ZC3H7B: variants seen among roughly 807,000 people sequenced by gnomAD.
The protein encoded by ZC3H7B is zinc finger CCCH-type containing 7B, also known as zinc finger CCCH domain-containing protein 7B.
In ZC3H7B, 35 loss-of-function variants were observed where a neutral mutation model predicts 116.0. That is an observed-to-expected ratio of 0.30 (90% CI 0.23 to 0.40). ZC3H7B has a LOEUF of 0.40. Among genes scored for constraint, ZC3H7B ranks in the 10% least tolerant of loss-of-function variants. The pLI is 1.00. For missense variants in ZC3H7B, 1,011 were observed against 1,321.5 expected (o/e 0.77, Z 3.64); for synonymous variants, 502 against 545.6 (o/e 0.92, Z 1.11).
At position 41,357,575 on chromosome 22, in the gene ZC3H7B, C is replaced by A; in HGVS notation, c.*146C>A. 1 of 1,097,986 alleles carries A rather than the reference C, an allele frequency of 9.1e-7. No homozygotes were observed. 68.0% of individuals were successfully genotyped at this position (1,097,986 alleles called of 1,614,324 possible). On this transcript the variant is annotated 3_prime_UTR_variant, in exon 23 of 23. Coordinates refer to ENST00000352645, the MANE Select transcript of ZC3H7B (RefSeq NM_017590.6). The surrounding 1 kb of genome is among the most constrained non-coding windows in gnomAD (Gnocchi z 5.4). ...AGCCCCCTGAGGCCCTGTCCATCTT[C>A]TCCCCACCACCGCCCCGGTGTGCGT...
rs1393529438 is a variant in ZC3H7B at position 41,348,162 on chromosome 22, C to T, written c.1761C>T (p.Asn587=). Residue 587 remains asparagine (N), a synonymous_variant, in exon 15 of 23, where the codon AAC becomes AAT. Coordinates refer to ENST00000352645, the MANE Select transcript of ZC3H7B (RefSeq NM_017590.6). ...TGGCTGCCAAGCACAGCTTCTACAA[C>T]AACAAGTGAGTGGGACCCTCAGCCC... is the stretch of plus-strand genomic sequence containing the variant. The part of the protein sequence containing the change: ...SNLAAKHSFY[N]NKCLVHIVRS... 1 of 1,613,634 alleles carries T rather than the reference C, an allele frequency of 6.2e-7. No homozygotes were observed. The highest frequency in any genetic ancestry group is 8.5e-7 in the Non-Finnish European group (1 of 1,179,850).
chr22:41,330,189 G>A, intron 6 of ZC3H7B, 86 bp downstream of exon 6: 1 of 1,453,544 alleles, frequency 6.9e-7, no homozygotes, highest in Non-Finnish European at 9.5e-7. Flanking sequence ...GAAGGTGGGT[G>A]AGGGTGGCCA....
At position 41,338,976 on chromosome 22, in the gene ZC3H7B, C is replaced by T. The variant is rs766022427; in HGVS notation, c.626-25C>T. 7.2e-6 allele frequency: 11 copies of T among 1,519,864 alleles called. No homozygotes were observed. The highest frequency in any genetic ancestry group is 5.5e-5 in the African/African-American group (4 of 72,300). The allele number at this position is 1,519,864 out of a possible 1,614,324, so 94.1% of individuals were successfully genotyped here. A position where few individuals can be genotyped will look rare whatever the true frequency, so the allele number is the denominator to read the frequency against. On this transcript the variant is annotated intron_variant, in intron 8 of 22. Transcript: ENST00000352645. This position sits in a 1 kb window ranked among gnomAD's most constrained non-coding sequence, Gnocchi z 4.5. ...ACCCTCACCAAGCAGTGCTCCCCTT[C>T]GGCTCTTGCCCACCCCATCCGCAGA...
At chr22:41,321,498 A>G (rs1401200791) in intron 2 of ZC3H7B, among the ~76,000 whole-genome samples, 1 of 151,964 alleles carries the variant, frequency 6.6e-6, no homozygotes, top group East Asian at 1.9e-4. Flanking sequence ...TACAGGCGTG[A>G]GCCACCGCAC....
rs369203524 is a variant in ZC3H7B at position 41,346,765 on chromosome 22, G to A, written c.1665+557G>A. 5.1e-4 allele frequency among the ~76,000 whole-genome samples: 78 copies of A among 152,130 alleles called. No homozygotes were observed. The highest frequency in any genetic ancestry group is 4.4e-3 in the East Asian group (23 of 5,178). ...GGGGAGGCAAAGGTTGCAGTGAGCC[G>A]AGATCGCGCAACTGCACTAGAGACT... On this transcript the variant is annotated intron_variant, in intron 14 of 22. Transcript: ENST00000352645. This position sits in a 1 kb window ranked among gnomAD's most constrained non-coding sequence, Gnocchi z 5.3.
Position 41,349,312 on chromosome 22 carries a change from G to A in ZC3H7B, c.1948+11G>A, listed in dbSNP as rs180684191. ...TGCAGCAGTACTCAGGTGAGGGGCAGGCGGTGCAGGTGGAGGGCAGGTGAC... is the reference window on the plus strand; with the variant it reads ...TGCAGCAGTACTCAGGTGAGGGGCAAGCGGTGCAGGTGGAGGGCAGGTGAC... On this transcript the variant is annotated intron_variant, in intron 16 of 22. Transcript: ENST00000352645. The surrounding 1 kb of genome is among the most constrained non-coding windows in gnomAD (Gnocchi z 4.9). The A allele has an allele frequency of 1.9e-6, 3 of 1,612,516 alleles. No homozygotes were observed. The East Asian group carries it at 6.7e-5, about 36-fold the overall frequency.
At chr22:41,348,231 C>A in intron 15 of ZC3H7B, 64 bp downstream of exon 15, 1 of 1,438,658 alleles carries the variant, frequency 7.0e-7, no homozygotes, top group Non-Finnish European at 9.8e-7. Flanking sequence ...TCAGGCAGCT[C>A]AGATGGCTGA....
intron 2 of ZC3H7B, among the ~76,000 whole-genome samples, chr22:41,320,966 C>T (rs949047773): frequency 2.0e-5 from 3 of 152,288 alleles, no homozygotes; most frequent in African/African-American, 7.2e-5. Context: ...TGCCCTCACC[C>T]TTCACATTTG....
At chr22:41,343,857 G>A (rs1012979861) in intron 13 of ZC3H7B, among the ~76,000 whole-genome samples, 1 of 152,208 alleles carries the variant, frequency 6.6e-6, no homozygotes, top group African/African-American at 2.4e-5. Flanking sequence ...GGAGTGTCAG[G>A]AGCCTACATG....
intron 2 of ZC3H7B, among the ~76,000 whole-genome samples, chr22:41,322,176 C>A (rs1219783838): frequency 6.6e-6 from 1 of 150,482 alleles, no homozygotes; most frequent in Admixed American, 6.7e-5. Context: ...CTCTGAGCAC[C>A]CACATGCCAC....
intron 11 of ZC3H7B, 113 bp downstream of exon 11, chr22:41,341,259 G>A: frequency 7.7e-7 from 1 of 1,294,046 alleles, no homozygotes; most frequent in Non-Finnish European, 1.1e-6. Context: ...CCCCACGGCG[G>A]GGCACTCCCA....
At chr22:41,313,220 G>T (rs1352601625) in intron 1 of ZC3H7B, among the ~76,000 whole-genome samples, 1 of 151,836 alleles carries the variant, frequency 6.6e-6, no homozygotes, top group African/African-American at 2.4e-5. Flanking sequence ...CCGGGTTCAA[G>T]CAATTCTCCT....
At chr22:41,317,113 C>T (rs969276777) in intron 1 of ZC3H7B, among the ~76,000 whole-genome samples, 1 of 152,142 alleles carries the variant, frequency 6.6e-6, no homozygotes, top group Non-Finnish European at 1.5e-5. Context: ...GCTGGGATTA[C>T]AGGCGTGAGC....
intron 1 of ZC3H7B, among the ~76,000 whole-genome samples, chr22:41,311,335 C>G (rs193098578): frequency 6.6e-6 from 1 of 152,016 alleles, no homozygotes; most frequent in Non-Finnish European, 1.5e-5. Context: ...CAGGATGATG[C>G]TCAGAGCTAT....
chr22:41,317,222 C>G (rs1420620336), intron 1 of ZC3H7B, among the ~76,000 whole-genome samples: 2 of 152,088 alleles, frequency 1.3e-5, no homozygotes, highest in Non-Finnish European at 2.9e-5. Flanking sequence ...TCAGGTGATC[C>G]ACCCACCTCG....
At chr22:41,353,088 A>C (rs2145942435) in intron 17 of ZC3H7B, among the ~76,000 whole-genome samples, 1 of 152,148 alleles carries the variant, frequency 6.6e-6, no homozygotes, top group East Asian at 1.9e-4. Context: ...TCAAAAAAAA[A>C]AAAGAAGAAA....
In ZC3H7B at chr22:41,339,803, C is replaced by T; in HGVS notation, c.817-13C>T. On this transcript the variant is annotated splice_polypyrimidine_tract_variant and intron_variant, in intron 9 of 22. Transcript: ENST00000352645. Reference sequence around the variant, plus strand: ...GTTTTCCTCTGACCCCTCCCTCTGTCCCTGCCTCATAGTCTCTGGTCCAGG... The same window carrying T: ...GTTTTCCTCTGACCCCTCCCTCTGTTCCTGCCTCATAGTCTCTGGTCCAGG... 2 of 1,577,668 alleles carry T rather than the reference C, an allele frequency of 1.3e-6. No homozygotes were observed. Among genetic ancestry groups the T allele is most frequent in the Non-Finnish European group, 1.7e-6 (2 of 1,158,150 alleles).
At chr22:41,322,348 T>C (rs1254517090) in intron 2 of ZC3H7B, among the ~76,000 whole-genome samples, 1 of 149,716 alleles carries the variant, frequency 6.7e-6, no homozygotes, top group Non-Finnish European at 1.5e-5. Context: ...CCACCACACC[T>C]AGCTAATTTT....
At position 41,356,443 on chromosome 22, in the gene ZC3H7B, G is replaced by C; in HGVS notation, c.2484G>C (p.Gln828His). 1.2e-6 allele frequency: 2 copies of C among 1,614,146 alleles called. No homozygotes were observed. The highest frequency in any genetic ancestry group is 1.7e-6 in the Non-Finnish European group (2 of 1,180,036). The part of the protein sequence containing the change: ...TPISSREGEK[Q>H]IQMPTDYADI... ...TCAGTTCTCGGGAAGGGGAGAAGCAGATCCAGATGCCCACGGACTACGCGG... is the reference window on the plus strand; with the variant it reads ...TCAGTTCTCGGGAAGGGGAGAAGCACATCCAGATGCCCACGGACTACGCGG... Residue 828 changes from glutamine to histidine, a missense_variant, in exon 21 of 23, where the codon CAG (glutamine) becomes CAC (histidine). Physicochemically the swap from Gln to His is conservative, Grantham distance 24 (BLOSUM62 0). Transcript: ENST00000352645.
Sources: allele counts gnomAD v4.1 joint callset (sites outside exome capture counted in the v4.1 genomes callset), GRCh38; gene constraint gnomAD v4.1.1; non-coding constraint Gnocchi (gnomAD v3.1); transcripts MANE v1.5; gene names NCBI Gene and HGNC (gene_info 2026-07-23, HGNC 2026-07-21).